Variants in SLC4A9 observed in about 807,000 individuals in gnomAD.
SLC4A9 encodes solute carrier family 4 member 9, also known as anion exchange protein 4.
SLC4A9 carries 102 observed loss-of-function variants against 103.2 expected under a neutral mutation model. The ratio of observed to expected loss-of-function variants is 0.99; its 90% CI spans 0.84 to 1.17. The LOEUF (loss-of-function observed/expected upper bound fraction) is 1.17, where lower values mean the gene tolerates loss of function less well. Among genes scored for constraint, SLC4A9 ranks in the 50% most tolerant of loss-of-function variants. The pLI is 0.00. For synonymous variants in SLC4A9, 453 were observed against 483.6 expected, an observed-to-expected ratio of 0.94 and a Z score of 0.83; for missense variants, 1,091 against 1,193.7, an observed-to-expected ratio of 0.91 and a Z score of 1.27.
At position 140,372,292 on chromosome 5, in the gene SLC4A9, A is replaced by C; in HGVS notation, c.2721A>C (p.Pro907=). ...AGGCCCTGGAGAGGGTCTTCTCACC[A>C]CAGGAACTCCTCTGGCTGGATGAGC... The part of the protein sequence containing the change: ...VRKALERVFS[P]QELLWLDELM... Residue 907 remains proline (P), a synonymous_variant, in exon 20 of 22, where the codon CCA becomes CCC. Coordinates refer to ENST00000506757, the MANE Select transcript of SLC4A9 (RefSeq NM_031467.3). The C allele has an allele frequency of 6.2e-7, 1 of 1,603,464 alleles. No individual in the cohort carries two copies. The highest frequency in any genetic ancestry group is 8.5e-7 in the Non-Finnish European group (1 of 1,177,086).
chr5:140,366,310 G>A (rs745897615), intron 14 of SLC4A9, 46 bp downstream of exon 14: 34 of 1,359,620 alleles, frequency 2.5e-5, no homozygotes, highest in Admixed American at 8.9e-5. Context: ...GGAAAGCAGG[G>A]CCAGCAGACC....
rs759120550 is a variant in SLC4A9, at chr5:140,371,499, G to C, written c.2545G>C (p.Asp849His). 3 of 1,614,042 alleles carry C rather than the reference G, an allele frequency of 1.9e-6. No homozygotes were observed. The highest frequency in any genetic ancestry group is 1.7e-5 in the Admixed American group (1 of 60,026). Residue 849 changes from aspartate to histidine, a missense_variant, in exon 19 of 22, where the codon GAC (aspartate) becomes CAC (histidine). Asp to His is a moderately conservative substitution (Grantham distance 81, BLOSUM62 -1). Transcript: ENST00000506757. ...LLLMPAKHQPDLLLLRHVPLT... is the reference protein window; with the variant it reads ...LLLMPAKHQPHLLLLRHVPLT... The stretch of plus-strand genomic sequence containing the variant: ...GTTGATGCCAGCAAAACACCAGCCA[G>C]ACCTGCTACTCTTGCGGCATGTGCC...
In SLC4A9 at chr5:140,360,959, C is replaced by T; in HGVS notation, c.378C>T (p.Leu126=). 2 of 1,584,836 alleles carry T rather than the reference C, an allele frequency of 1.3e-6. No homozygotes were observed. Among genetic ancestry groups the T allele is most frequent in the Non-Finnish European group, 8.6e-7 (1 of 1,165,278 alleles). The change falls in exon 2 of 22, where the codon CTC becomes CTT. Residue 126 remains leucine (L), a synonymous_variant. Transcript: ENST00000506757. ...LVLLDCPAQS[L]LELVEQVTRV... is the part of the protein sequence containing the mutation. ...TGCTGGACTGCCCAGCTCAGAGCCT[C>T]CTGGAGCTCGTGGGTAGGCTGGGAT...
At chr5:140,370,614 A>G (rs1221539434) in intron 17 of SLC4A9, among the ~76,000 whole-genome samples, 1 of 152,248 alleles carries the variant, frequency 6.6e-6, no homozygotes, top group Non-Finnish European at 1.5e-5. Flanking sequence ...TAAAAAGTCA[A>G]TGAAGACCTT....
chr5:140,364,128 C>A lies in SLC4A9; in HGVS notation c.1329C>A (p.Thr443=). The change falls in exon 10 of 22, where the codon ACC becomes ACA. Residue 443 remains threonine (T), a synonymous_variant. Coordinates refer to ENST00000506757, the MANE Select transcript of SLC4A9 (RefSeq NM_031467.3). ...AFCLMAGQPL[T]ILSSTGPVLV... is the part of the protein sequence containing the mutation. ...GCCTGATGGCAGGCCAGCCCCTCAC[C>A]ATTCTGAGCAGCACGGGGCCAGTGC... 2 of 1,594,118 alleles carry A rather than the reference C, an allele frequency of 1.3e-6. No individual in the cohort carries two copies. Among genetic ancestry groups the A allele is most frequent in the African/African-American group, 1.3e-5 (1 of 74,304 alleles).
rs936288210 is a variant in SLC4A9 at position 140,366,165 on chromosome 5, C to G, written c.1914C>G (p.Leu638=). 1.2e-6 allele frequency: 2 copies of G among 1,613,406 alleles called. No homozygotes were observed. The highest frequency in any genetic ancestry group is 8.5e-7 in the Non-Finnish European group (1 of 1,179,578). ...CTGTGTGCCAGGTGCGCAAAGGGCTCAGCGACTTCTCCTCAGTCCTGGCCA... is the reference window on the plus strand; with the variant it reads ...CTGTGTGCCAGGTGCGCAAAGGGCTGAGCGACTTCTCCTCAGTCCTGGCCA... The part of the protein sequence containing the change: ...RFFPSVVRKG[L]SDFSSVLAIL... The change falls in exon 14 of 22, where the codon CTC becomes CTG. Residue 638 remains leucine, a synonymous_variant. Coordinates refer to ENST00000506757, the MANE Select transcript of SLC4A9 (RefSeq NM_031467.3).
Position 140,364,115 on chromosome 5 carries a change from GC to G in SLC4A9, c.1318del (p.Gln440SerfsTer6). ...GGAGCTGCCTTCTGCCTGATGGCAG[GC>G]CAGCCCCTCACCATTCTGAGCAGCA... ...VAGAAFCLMA[G>X]QPLTILSSTG... On this transcript the variant is annotated frameshift_variant, in exon 10 of 22. Transcript: ENST00000506757. LOFTEE classifies it high-confidence loss of function. 1 of 1,591,676 alleles carries G rather than the reference GC, an allele frequency of 6.3e-7. No homozygotes were observed. Among genetic ancestry groups the G allele is most frequent in the Non-Finnish European group, 8.6e-7 (1 of 1,169,124 alleles).
rs1479626700 is a variant in SLC4A9, at chr5:140,363,781, G to C, written c.1133G>C (p.Ser378Thr). The C allele has an allele frequency of 1.9e-6, 3 of 1,613,992 alleles. No homozygotes were observed. The highest frequency in any genetic ancestry group is 2.5e-6 in the Non-Finnish European group (3 of 1,179,870). ...DVRRKVPWYPSDFLDALHLQC... is the reference protein window; with the variant it reads ...DVRRKVPWYPTDFLDALHLQC... ...CGCAGGAAGGTCCCGTGGTACCCCAGCGATTTCTTGGACGCCCTGCATCTC... is the reference window on the plus strand; with the variant it reads ...CGCAGGAAGGTCCCGTGGTACCCCACCGATTTCTTGGACGCCCTGCATCTC... The change falls in exon 9 of 22, where the codon AGC becomes ACC. Residue 378 changes from serine (S) to threonine (T), a missense_variant. Ser to Thr is a moderately conservative substitution (Grantham distance 58, BLOSUM62 1). Coordinates refer to ENST00000506757, the MANE Select transcript of SLC4A9 (RefSeq NM_031467.3). This position sits in a 1 kb window ranked among gnomAD's most constrained non-coding sequence, Gnocchi z 4.5.
intron 17 of SLC4A9, among the ~76,000 whole-genome samples, chr5:140,370,419 C>T (rs1768533649): frequency 6.8e-6 from 1 of 147,162 alleles, no homozygotes. Flanking sequence ...GAGCCGAGAT[C>T]AAGCCACATC....
intron 1 of SLC4A9, 27 bp downstream of exon 1, chr5:140,360,493 G>A: frequency 6.5e-6 from 10 of 1,543,802 alleles, no homozygotes; most frequent in Non-Finnish European, 8.8e-6. Flanking sequence ...CCAGTTCTGT[G>A]GGATCCTTCC....
chr5:140,362,309 AGTG>A (rs1423629100), intron 5 of SLC4A9, 133 bp from the exon 6 acceptor site: 12 of 1,234,164 alleles, frequency 9.7e-6, no homozygotes, highest in Non-Finnish European at 1.3e-5. Flanking sequence ...GGGAGAGAGT[AGTG>A]GTCAGGGCTG....
At chr5:140,370,965 G>A (rs1768627987) in intron 17 of SLC4A9, 130 bp from the exon 18 acceptor site, 1 of 683,586 alleles carries the variant, frequency 1.5e-6, no homozygotes, top group African/African-American at 1.8e-5. Context: ...TGAAACATGT[G>A]AAAGGAAAGG....
rs776950665 is a variant in SLC4A9 at position 140,362,046 on chromosome 5, T to A, written c.591T>A (p.Pro197=). Residue 197 remains proline (P), a synonymous_variant, in exon 5 of 22, where the codon CCT becomes CCA. Coordinates refer to ENST00000506757, the MANE Select transcript of SLC4A9 (RefSeq NM_031467.3). The part of the protein sequence containing the change: ...QCQNPLRQKL[P]PGAEAGTVLA... ...AGAACCCCCTGAGACAGAAGCTACC[T>A]CCAGGAGCTGAGGCAGGGACTGTGC... is the stretch of plus-strand genomic sequence containing the variant. 1.2e-6 allele frequency: 2 copies of A among 1,607,354 alleles called. No individual in the cohort carries two copies. Among genetic ancestry groups the A allele is most frequent in the Non-Finnish European group, 1.7e-6 (2 of 1,178,262 alleles).
rs1410537505 is a variant in SLC4A9, at chr5:140,363,602, G to A, written c.1079+47G>A. ...CAAGGGTAGGTGACCTGGGGGAGGG[G>A]AGGAGTCACAGGGAAACTGAGGTGT... On this transcript the variant is annotated intron_variant, in intron 8 of 21. Coordinates refer to ENST00000506757, the MANE Select transcript of SLC4A9 (RefSeq NM_031467.3). This position sits in a 1 kb window ranked among gnomAD's most constrained non-coding sequence, Gnocchi z 4.5. The A allele has an allele frequency of 6.4e-7, 1 of 1,556,110 alleles. No homozygotes were observed. Among genetic ancestry groups the A allele is most frequent in the Non-Finnish European group, 8.7e-7 (1 of 1,149,044 alleles).
chr5:140,371,243 C>A, intron 18 of SLC4A9, 80 bp downstream of exon 18: 1 of 1,488,336 alleles, frequency 6.7e-7, no homozygotes, highest in Non-Finnish European at 9.2e-7. Context: ...TACCTAGCAA[C>A]CCTACTCCTT....
chr5:140,369,665 T>TA (rs147665402), intron 17 of SLC4A9, among the ~76,000 whole-genome samples: 157 of 150,890 alleles, frequency 1.0e-3, no homozygotes, highest in African/African-American at 3.5e-3. Context: ...ATCAGCCACT[T>TA]ACTAACTGGG....
chr5:140,363,359 G>A lies in SLC4A9; in HGVS notation c.963-80G>A, dbSNP rs2126752644. The A allele has an allele frequency of 1.5e-6, 2 of 1,316,192 alleles. No homozygotes were observed. The highest frequency in any genetic ancestry group is 1.3e-5 in the South Asian group (1 of 75,600). 81.5% of individuals were successfully genotyped at this position (1,316,192 alleles called of 1,614,324 possible). ...GCAGAGACAAGAGCAGCCGCTAGGG[G>A]GCAGGGCGCCACGAGCTCTGGACCG... On this transcript the variant is annotated intron_variant, in intron 7 of 21. Coordinates refer to ENST00000506757, the MANE Select transcript of SLC4A9 (RefSeq NM_031467.3). The surrounding 1 kb of genome is among the most constrained non-coding windows in gnomAD (Gnocchi z 4.5).
Position 140,363,143 on chromosome 5 carries a change from G to A in SLC4A9, c.962+77G>A. The A allele has an allele frequency of 6.5e-7, 1 of 1,542,204 alleles. No homozygotes were observed. The highest frequency in any genetic ancestry group is 8.7e-7 in the Non-Finnish European group (1 of 1,146,704). The stretch of plus-strand genomic sequence containing the variant: ...TCTAATTCCATTGTTGAGGAGGGGT[G>A]GTGTCCCAGGAAAGAGATAGGGACC... On this transcript the variant is annotated intron_variant, in intron 7 of 21. Transcript: ENST00000506757. This position sits in a 1 kb window ranked among gnomAD's most constrained non-coding sequence, Gnocchi z 4.5.
rs770330180 is a variant in SLC4A9 at position 140,360,815 on chromosome 5, G to A, written c.234G>A (p.Trp78Ter). Residue 78 changes from tryptophan (W) to a stop codon, truncating the protein, a stop_gained, in exon 2 of 22, where the codon TGG becomes TGA. Coordinates refer to ENST00000506757, the MANE Select transcript of SLC4A9 (RefSeq NM_031467.3). LOFTEE classifies it high-confidence loss of function. ...TGTCTACCCACCTTCATCACAGGTG[G>A]GTACTGTTTGAGGAGAAGTTGGAGG... is the stretch of plus-strand genomic sequence containing the variant. ...QALEWRETGR[W>*]VLFEEKLEVA... 1 of 1,613,512 alleles carries A rather than the reference G, an allele frequency of 6.2e-7. No homozygotes were observed. The highest frequency in any genetic ancestry group is 1.1e-5 in the South Asian group (1 of 91,028).
Sources: gnomAD v4.1 joint callset for allele counts (sites outside exome capture counted in the v4.1 genomes callset) on GRCh38, gnomAD v4.1.1 for gene constraint, Gnocchi (gnomAD v3.1) non-coding constraint, MANE v1.5 for transcripts, NCBI Gene and HGNC (gene_info 2026-07-23, HGNC 2026-07-21) for gene names.